The following HDX variants were observed in gnomAD, a reference collection of about 807,000 sequenced individuals.
The protein encoded by HDX is chromosome X open reading frame 43.
HDX carries 19 observed loss-of-function variants against 45.2 expected under a neutral mutation model. The observed-to-expected ratio is 0.42, with a 90% CI of 0.29 to 0.62. HDX has a LOEUF of 0.62. HDX is among the 20% of genes least tolerant of loss of function. The pLI, the probability that HDX is intolerant of heterozygous loss-of-function variation, is 0.20. For missense variants in HDX, 532 were observed against 493.9 expected, an observed-to-expected ratio of 1.08 and a Z score of -0.73; for synonymous variants, 188 against 172.8, an observed-to-expected ratio of 1.09 and a Z score of -0.69.
intron 4 of HDX, among the ~76,000 whole-genome samples, chrX:84,451,066 C>T (rs1250060509): frequency 4.5e-5 from 5 of 111,197 alleles, no homozygotes; most frequent in African/African-American, 1.6e-4. Context: ...AAGCAATAAA[C>T]GCCTAGATGA....
intron 4 of HDX, among the ~76,000 whole-genome samples, chrX:84,453,190 G>A (rs188972588): frequency 3.6e-4 from 40 of 112,254 alleles, no homozygotes; most frequent in African/African-American, 1.3e-3. Flanking sequence ...AGGAACAATT[G>A]TCCTCCGCTC....
At chrX:84,348,905 GT>G (rs924953764) in intron 6 of HDX, among the ~76,000 whole-genome samples, 2 of 111,823 alleles carry the variant, frequency 1.8e-5, no homozygotes, top group Non-Finnish European at 3.8e-5. Flanking sequence ...ACGTTCTAAT[GT>G]TTCTTAAAAA....
chrX:84,464,676 C>A (rs1285497290), intron 4 of HDX, among the ~76,000 whole-genome samples: 1 of 111,598 alleles, frequency 9.0e-6, no homozygotes, highest in Non-Finnish European at 1.9e-5. Flanking sequence ...AAAATTAACT[C>A]AAGATGATTA....
At chrX:84,356,919 C>A (rs1284119350) in intron 6 of HDX, among the ~76,000 whole-genome samples, 1 of 110,767 alleles carries the variant, frequency 9.0e-6, no homozygotes, top group African/African-American at 3.3e-5. Context: ...CCGCGCCCGG[C>A]CCTCCTGTGG....
chrX:84,333,722 C>A (rs776651134), intron 9 of HDX, 37 bp downstream of exon 9: 5 of 602,997 alleles, frequency 8.3e-6, no homozygotes, highest in Non-Finnish European at 1.1e-5. Context: ...TCATTTAATA[C>A]CTTCTCTTAA....
At chrX:84,431,478 A>T (rs2039504066) in intron 5 of HDX, among the ~76,000 whole-genome samples, 1 of 111,265 alleles carries the variant, frequency 9.0e-6, no homozygotes, top group African/African-American at 3.3e-5. Context: ...GCAGTGTATA[A>T]GTGTTCCCTT....
intron 5 of HDX, among the ~76,000 whole-genome samples, chrX:84,409,950 G>T (rs2038945176): frequency 9.3e-6 from 1 of 107,572 alleles, no homozygotes; most frequent in Non-Finnish European, 1.9e-5. Flanking sequence ...CTACTCAGGA[G>T]GCTGAGGCAG....
chrX:84,349,327 T>C (rs890135224), intron 6 of HDX, among the ~76,000 whole-genome samples: 1 of 108,789 alleles, frequency 9.2e-6, no homozygotes, highest in African/African-American at 3.3e-5. Flanking sequence ...TCTAGGCTCC[T>C]CACATGCCAG....
At chrX:84,388,175 G>A (rs780881344) in intron 5 of HDX, among the ~76,000 whole-genome samples, 78 of 111,472 alleles carry the variant, frequency 7.0e-4, no homozygotes, top group African/African-American at 2.5e-3. Context: ...TCTACTTTTA[G>A]CTTGATGGTG....
chrX:84,333,759 C>T lies in HDX; in HGVS notation c.1824G>A (p.Lys608=). ...AAATTCATAATTTAAAATTACCTAC[C>T]TTATAATCCAAGAAAGAGTTTACTT... ...VEQVNSFLDY[K]NEEVKFIENE... The change falls in exon 9 of 11, where the codon AAG becomes AAA. Residue 608 remains lysine, a splice_region_variant and synonymous_variant. Transcript: ENST00000373177. 1.2e-6 allele frequency: 1 copy of T among 858,643 alleles called. No homozygotes were observed. Among genetic ancestry groups the T allele is most frequent in the Non-Finnish European group, 1.7e-6 (1 of 588,859 alleles). 70.8% of individuals were successfully genotyped at this position (858,643 alleles called of 1,213,427 possible).
intron 5 of HDX, among the ~76,000 whole-genome samples, chrX:84,410,872 T>A (rs7472132): frequency 0.11 from 12,520 of 111,037 alleles, 630 homozygotes; most frequent in South Asian, 0.27. Context: ...TAGGGTTTCA[T>A]TTTCTTTCTG....
At chrX:84,353,794 A>G (rs769524838) in intron 6 of HDX, among the ~76,000 whole-genome samples, 1 of 111,535 alleles carries the variant, frequency 9.0e-6, no homozygotes, top group South Asian at 3.7e-4. Context: ...TGAAGTTTCC[A>G]TCCTCTTTTT....
chrX:84,374,815 A>C (rs2038000951), intron 5 of HDX, among the ~76,000 whole-genome samples: 2 of 101,504 alleles, frequency 2.0e-5, no homozygotes, highest in South Asian at 4.7e-4. Flanking sequence ...AGGCATTACC[A>C]TTCAGGACAT....
chrX:84,476,633 A>C (rs1055214718), intron 2 of HDX, among the ~76,000 whole-genome samples: 1 of 110,141 alleles, frequency 9.1e-6, no homozygotes, highest in African/African-American at 3.3e-5. Context: ...GCAACAACGA[A>C]ACTCTTCAAG....
chrX:84,351,243 C>A (rs2037352207), intron 6 of HDX, among the ~76,000 whole-genome samples: 1 of 111,323 alleles, frequency 9.0e-6, no homozygotes, highest in Non-Finnish European at 1.9e-5. Flanking sequence ...CCTCTAAGTG[C>A]AGGAGGGGAT....
Position 84,390,727 on chromosome X carries a change from T to C in HDX, c.1306-29115A>G, listed in dbSNP as rs752628410. On this transcript the variant is annotated intron_variant, in intron 5 of 10. Transcript: ENST00000373177. ...GACAGCTTTTGCAAACTCATGCCCT[T>C]AAATTGTTAGCAAAAAAACAAAGTA... Among the ~76,000 whole-genome samples the C allele has an allele frequency of 3.2e-4, 36 of 112,517 alleles. 1 individual carries two copies. The highest frequency in any genetic ancestry group is 6.4e-4 in the Non-Finnish European group (34 of 53,260).
At chrX:84,496,113 G>A (rs943763565) in intron 1 of HDX, among the ~76,000 whole-genome samples, 3 of 111,707 alleles carry the variant, frequency 2.7e-5, no homozygotes, top group African/African-American at 9.7e-5. Flanking sequence ...TATACTCAGA[G>A]GCTTAGCGAT....
At chrX:84,464,763 G>A (rs746702482) in intron 4 of HDX, among the ~76,000 whole-genome samples, 10 of 111,680 alleles carry the variant, frequency 9.0e-5, no homozygotes, top group Non-Finnish European at 1.9e-4. Flanking sequence ...ACATAGGTAT[G>A]GGCAAAGACT....
chrX:84,371,467 C>G (rs993030116), intron 5 of HDX, among the ~76,000 whole-genome samples: 1 of 112,084 alleles, frequency 8.9e-6, no homozygotes, highest in Non-Finnish European at 1.9e-5. Flanking sequence ...ACAGGAGAAT[C>G]ACAGGTACCT....
Sources: allele counts gnomAD v4.1 joint callset (sites outside exome capture counted in the v4.1 genomes callset), GRCh38; gene constraint gnomAD v4.1.1; transcripts MANE v1.5; gene names NCBI Gene and HGNC (gene_info 2026-07-23, HGNC 2026-07-21).